The following ADAM12 variants were observed in gnomAD, a reference collection of about 807,000 sequenced individuals.
ADAM12 encodes the protein disintegrin and metalloproteinase domain-containing protein 12.
In ADAM12, 70 loss-of-function variants were observed where a neutral mutation model predicts 106.4. The observed-to-expected ratio is 0.66, with a 90% CI of 0.54 to 0.80. The LOEUF (loss-of-function observed/expected upper bound fraction) is 0.80. Among genes scored for constraint, ADAM12 ranks in the 30% least tolerant of loss-of-function variants. The pLI is 0.00. For synonymous variants in ADAM12, 420 were observed against 433.5 expected (o/e 0.97, Z 0.39); for missense variants, 1,010 against 1,171.9 (o/e 0.86, Z 2.02).
chr10:126,252,335 T>C (rs1428626590), intron 3 of ADAM12, among the ~76,000 whole-genome samples: 2 of 152,088 alleles, frequency 1.3e-5, no homozygotes, highest in Non-Finnish European at 2.9e-5. Flanking sequence ...GGATTAATTA[T>C]GGGAATTGGC....
chr10:126,193,264 CAAAAAAA>C (rs757716875), intron 3 of ADAM12, among the ~76,000 whole-genome samples: 5 of 26,604 alleles, frequency 1.9e-4, no homozygotes, highest in Non-Finnish European at 5.1e-4. Flanking sequence ...GACTCCATCT[CAAAAAAA>C]AAAAAAAAAA....
chr10:126,350,855 G>A (rs1855326559), intron 1 of ADAM12, among the ~76,000 whole-genome samples: 2 of 152,174 alleles, frequency 1.3e-5, no homozygotes, highest in Admixed American at 1.3e-4. Context: ...TCACATCCAG[G>A]GCTCTGCCTT....
chr10:126,266,489 T>C (rs578226512), intron 3 of ADAM12, among the ~76,000 whole-genome samples: 2 of 151,708 alleles, frequency 1.3e-5, no homozygotes, highest in Non-Finnish European at 2.9e-5. Flanking sequence ...GCGGCCAGGG[T>C]GAGGAGGGAG....
intron 12 of ADAM12, among the ~76,000 whole-genome samples, chr10:126,069,543 G>A (rs950519956): frequency 7.2e-5 from 11 of 152,254 alleles, no homozygotes; most frequent in African/African-American, 1.7e-4. Context: ...CTGTCAAGCC[G>A]CATGACTCCT....
At chr10:126,056,021 G>T (rs999305933) in intron 14 of ADAM12, among the ~76,000 whole-genome samples, 1 of 152,246 alleles carries the variant, frequency 6.6e-6, no homozygotes, top group African/African-American at 2.4e-5. Context: ...AAACCTCTGA[G>T]GGAGCAGTTC....
intron 3 of ADAM12, among the ~76,000 whole-genome samples, chr10:126,186,225 T>A (rs1183997258): frequency 6.6e-6 from 1 of 152,106 alleles, no homozygotes; most frequent in African/African-American, 2.4e-5. Flanking sequence ...CATGTTGTAA[T>A]CCCCGCGGGG....
intron 3 of ADAM12, among the ~76,000 whole-genome samples, chr10:126,179,948 A>G (rs1957283964): frequency 6.6e-6 from 1 of 152,156 alleles, no homozygotes; most frequent in African/African-American, 2.4e-5. Flanking sequence ...TTTGCCTTCA[A>G]AGAAGGTCTT....
intron 14 of ADAM12, among the ~76,000 whole-genome samples, chr10:126,052,727 G>A (rs908846399): frequency 2.6e-5 from 4 of 152,178 alleles, no homozygotes; most frequent in Non-Finnish European, 5.9e-5. Flanking sequence ...CGCTGCAAAT[G>A]TACTGGCAAA....
chr10:126,347,428 G>A (rs1353862810), intron 1 of ADAM12, among the ~76,000 whole-genome samples: 7 of 152,144 alleles, frequency 4.6e-5, no homozygotes, highest in Non-Finnish European at 8.8e-5. Flanking sequence ...TGGGTAACCC[G>A]ACCTTTCTCT....
chr10:126,102,710 C>T (rs770070147), intron 8 of ADAM12, among the ~76,000 whole-genome samples: 38 of 152,206 alleles, frequency 2.5e-4, no homozygotes, highest in Non-Finnish European at 3.2e-4. Context: ...AATGAGTTAA[C>T]GAGACGATTA....
At chr10:126,243,081 C>T (rs987082163) in intron 3 of ADAM12, among the ~76,000 whole-genome samples, 22 of 152,290 alleles carry the variant, frequency 1.4e-4, no homozygotes, top group South Asian at 2.1e-4. Flanking sequence ...ACCCTGTCAG[C>T]GCGTGCAGAG....
At chr10:126,289,707 A>G (rs1960058680) in intron 2 of ADAM12, among the ~76,000 whole-genome samples, 1 of 152,188 alleles carries the variant, frequency 6.6e-6, no homozygotes, top group Non-Finnish European at 1.5e-5. Flanking sequence ...GAACTATTTC[A>G]TTTTGGAAAT....
At chr10:126,258,953 C>G (rs886560471) in intron 3 of ADAM12, among the ~76,000 whole-genome samples, 2 of 152,228 alleles carry the variant, frequency 1.3e-5, no homozygotes, top group African/African-American at 2.4e-5. Flanking sequence ...CTGTTTCCCC[C>G]CTGTTCCCTA....
chr10:126,029,354 G>A (rs535866712), intron 21 of ADAM12, among the ~76,000 whole-genome samples: 8 of 152,172 alleles, frequency 5.3e-5, no homozygotes, highest in African/African-American at 1.9e-4. Flanking sequence ...GCCCATCAGT[G>A]ATATACTGGG....
chr10:126,343,411 C>A (rs973521728), intron 1 of ADAM12, among the ~76,000 whole-genome samples: 1 of 152,162 alleles, frequency 6.6e-6, no homozygotes. Context: ...GCCACATTTT[C>A]TTAGTCCAGT....
Position 126,043,168 on chromosome 10 carries a change from G to T in ADAM12, c.1996-20C>A. Reference sequence around the variant, plus strand: ...GCACACCTTTCAGGGCAGAGGGGAGGGACGTGGGGTTAGGGCATATGCTCT... The same window carrying T: ...GCACACCTTTCAGGGCAGAGGGGAGTGACGTGGGGTTAGGGCATATGCTCT... On this transcript the variant is annotated intron_variant, in intron 17 of 22. Coordinates refer to ENST00000448723, the MANE Select transcript of ADAM12 (RefSeq NM_001288973.2). The surrounding 1 kb of genome is among the most constrained non-coding windows in gnomAD (Gnocchi z 4.1). 6.2e-7 allele frequency: 1 copy of T among 1,611,386 alleles called. No homozygotes were observed.
intron 14 of ADAM12, among the ~76,000 whole-genome samples, chr10:126,059,907 G>A (rs932584272): frequency 6.6e-6 from 1 of 152,180 alleles, no homozygotes; most frequent in African/African-American, 2.4e-5. Flanking sequence ...AAGGAGTAAA[G>A]GTCATGTCAT....
intron 5 of ADAM12, among the ~76,000 whole-genome samples, chr10:126,125,957 G>A (rs549102261): frequency 6.6e-6 from 1 of 152,074 alleles, no homozygotes; most frequent in South Asian, 2.1e-4. Context: ...AGCGAGGAGG[G>A]AGATGTGGGA....
chr10:126,059,154 G>T (rs1358704876), intron 14 of ADAM12, among the ~76,000 whole-genome samples: 1 of 152,196 alleles, frequency 6.6e-6, no homozygotes, highest in Non-Finnish European at 1.5e-5. Context: ...TAGTTTGGAA[G>T]TTCCCAATGT....
Sources: gnomAD v4.1 joint callset for allele counts (sites outside exome capture counted in the v4.1 genomes callset) on GRCh38, gnomAD v4.1.1 for gene constraint, Gnocchi (gnomAD v3.1) non-coding constraint, MANE v1.5 for transcripts, NCBI Gene and HGNC (gene_info 2026-07-23, HGNC 2026-07-21) for gene names.